The following SHC3 variants were observed in gnomAD, a reference collection of about 807,000 sequenced individuals.
The protein encoded by SHC3 is SHC adaptor protein 3, also known as SHC-transforming protein 3.
In SHC3, 15 loss-of-function variants were observed where a neutral mutation model predicts 60.4. The observed-to-expected ratio is 0.25, with a 90% CI of 0.17 to 0.38. SHC3 has a LOEUF of 0.38. Ranked by LOEUF, SHC3 falls within the 10% of genes least tolerant of loss-of-function variation. The pLI is 1.00. For missense variants in SHC3, 677 were observed against 786.1 expected, an observed-to-expected ratio of 0.86 and a Z score of 1.66; for synonymous variants, 294 against 325.9, an observed-to-expected ratio of 0.90 and a Z score of 1.05.
intron 10 of SHC3, among the ~76,000 whole-genome samples, chr9:89,041,417 T>A (rs1213848918): frequency 6.6e-6 from 1 of 152,230 alleles, no homozygotes; most frequent in African/African-American, 2.4e-5. Flanking sequence ...TTTGCTGGTT[T>A]TGTTTTCCTG....
chr9:89,074,691 C>CAAAAG (rs1825326694), intron 4 of SHC3, among the ~76,000 whole-genome samples: 1 of 59,926 alleles, frequency 1.7e-5, no homozygotes, highest in African/African-American at 6.9e-5. Context: ...GCCACTAAAG[C>CAAAAG]AAAAAAAAAA....
chr9:89,144,159 A>G (rs761658434), intron 1 of SHC3, among the ~76,000 whole-genome samples: 16 of 152,238 alleles, frequency 1.1e-4, no homozygotes, highest in Non-Finnish European at 1.6e-4. Flanking sequence ...AGAAAAGTCT[A>G]TAAGGACAGA....
intron 2 of SHC3, among the ~76,000 whole-genome samples, chr9:89,102,197 T>G (rs1032543089): frequency 6.6e-6 from 1 of 152,172 alleles, no homozygotes; most frequent in Non-Finnish European, 1.5e-5. Context: ...TATTGGTCAT[T>G]TGAACTTCTC....
At chr9:89,131,149 A>C (rs1307744404) in intron 1 of SHC3, among the ~76,000 whole-genome samples, 1 of 152,218 alleles carries the variant, frequency 6.6e-6, no homozygotes, top group Non-Finnish European at 1.5e-5. Context: ...AATAAACTAA[A>C]AAATCTAGGA....
intron 11 of SHC3, among the ~76,000 whole-genome samples, chr9:89,026,087 T>TAC (rs1290355165): frequency 1.3e-5 from 2 of 151,764 alleles, no homozygotes; most frequent in South Asian, 2.1e-4. Context: ...CTACTAAAAA[T>TAC]ACACACACAC....
intron 1 of SHC3, among the ~76,000 whole-genome samples, chr9:89,170,889 T>C (rs1239397827): frequency 1.3e-5 from 2 of 152,220 alleles, no homozygotes; most frequent in African/African-American, 2.4e-5. Flanking sequence ...TTGCAAATAC[T>C]GCACCAGTTT....
At chr9:89,139,232 A>T (rs568805145) in intron 1 of SHC3, among the ~76,000 whole-genome samples, 35 of 152,304 alleles carry the variant, frequency 2.3e-4, no homozygotes, top group African/African-American at 8.2e-4. Flanking sequence ...CACAGGAATG[A>T]GCCAGATCAG....
At chr9:89,103,736 C>T (rs1472800873) in intron 2 of SHC3, among the ~76,000 whole-genome samples, 23 of 152,168 alleles carry the variant, frequency 1.5e-4, no homozygotes, top group Admixed American at 1.5e-3. Flanking sequence ...TAATTCTCAG[C>T]CCTATGATGG....
At chr9:89,107,156 C>T (rs182305371) in intron 2 of SHC3, among the ~76,000 whole-genome samples, 8 of 152,266 alleles carry the variant, frequency 5.3e-5, no homozygotes, top group African/African-American at 1.2e-4. Flanking sequence ...CTGGAGAACT[C>T]GGCCCAAGTC....
At chr9:89,143,458 AG>A (rs1826424214) in intron 1 of SHC3, among the ~76,000 whole-genome samples, 1 of 152,110 alleles carries the variant, frequency 6.6e-6, no homozygotes, top group Non-Finnish European at 1.5e-5. Context: ...CTGGGAATCC[AG>A]CCCAGCAGGT....
chr9:89,071,001 T>C (rs924206500), intron 5 of SHC3, among the ~76,000 whole-genome samples, 198 bp downstream of exon 5: 8 of 152,152 alleles, frequency 5.3e-5, no homozygotes. Context: ...TGAAAACTAA[T>C]GGTGGGGTCC....
intron 1 of SHC3, among the ~76,000 whole-genome samples, chr9:89,131,275 C>G (rs1411463347): frequency 6.6e-6 from 1 of 152,022 alleles, no homozygotes; most frequent in Non-Finnish European, 1.5e-5. Context: ...AATAGCCTAC[C>G]AACCAAAAAA....
rs144118142 is a variant in SHC3 at position 89,046,991 on chromosome 9, C to T, written c.966G>A (p.Met322Ile). 3 of 1,577,294 alleles carry T rather than the reference C, an allele frequency of 1.9e-6. No homozygotes were observed. The highest frequency in any genetic ancestry group is 4.6e-5 in the East Asian group (2 of 43,926). The stretch of plus-strand genomic sequence containing the variant: ...CCGTCCATGGCTCATCCAGACTCTG[C>T]ATTCTGTTAAAGGAAGATTTCCAAG... Reference protein sequence around the residue: ...PTKIPALHDRMQSLDEPWTEE... With the variant: ...PTKIPALHDRIQSLDEPWTEE... Residue 322 changes from methionine (M) to isoleucine (I), a missense_variant, in exon 8 of 12, where the codon ATG becomes ATA. Physicochemically the swap from Met to Ile is conservative, Grantham distance 10. Transcript: ENST00000375835.
intron 1 of SHC3, among the ~76,000 whole-genome samples, chr9:89,128,733 G>A (rs1826199699): frequency 6.6e-6 from 1 of 152,004 alleles, no homozygotes; most frequent in Admixed American, 6.6e-5. Context: ...ACATCCACAC[G>A]AAAACCCCAT....
chr9:89,081,009 G>A (rs1052735979), intron 2 of SHC3, among the ~76,000 whole-genome samples: 3 of 151,868 alleles, frequency 2.0e-5, no homozygotes, highest in East Asian at 1.9e-4. Flanking sequence ...CTTATGATCC[G>A]CCCTCCTCGG....
intron 11 of SHC3, chr9:89,037,669 T>C (rs1439735840): frequency 3.2e-6 from 2 of 625,798 alleles, no homozygotes; most frequent in African/African-American, 1.8e-5. Context: ...GAGCCTGTAC[T>C]TCCTTGTCTA....
intron 6 of SHC3, among the ~76,000 whole-genome samples, chr9:89,060,254 A>G (rs981492961): frequency 9.5e-5 from 14 of 147,066 alleles, no homozygotes; most frequent in African/African-American, 3.6e-4. Context: ...AAGGTAGAGG[A>G]TGTGGTGGAG....
intron 2 of SHC3, among the ~76,000 whole-genome samples, chr9:89,094,960 A>G (rs1399865248): frequency 6.6e-6 from 1 of 152,142 alleles, no homozygotes; most frequent in Non-Finnish European, 1.5e-5. Flanking sequence ...CCAAACAAAC[A>G]AACAAAAAAC....
chr9:89,090,955 A>G (rs1825612487), intron 2 of SHC3, among the ~76,000 whole-genome samples: 3 of 152,248 alleles, frequency 2.0e-5, no homozygotes, highest in African/African-American at 7.2e-5. Flanking sequence ...ACTGTGCAAG[A>G]CATGGCATAA....
Sources: allele counts gnomAD v4.1 joint callset (sites outside exome capture counted in the v4.1 genomes callset), GRCh38; gene constraint gnomAD v4.1.1; transcripts MANE v1.5; gene names NCBI Gene and HGNC (gene_info 2026-07-23, HGNC 2026-07-21).